GRB10: variants seen among roughly 807,000 people sequenced by gnomAD.
The protein encoded by GRB10 is growth factor receptor bound protein 10.
A neutral mutation model predicts 80.9 loss-of-function variants in GRB10; 20 were observed. That is an observed-to-expected ratio of 0.25 (90% CI 0.17 to 0.36). The LOEUF (loss-of-function observed/expected upper bound fraction) is 0.36. GRB10 is among the 10% of genes least tolerant of loss of function. The probability of loss-of-function intolerance (pLI) is 1.00; values close to 1 mark genes in which losing one functional copy is unlikely to be tolerated. For synonymous variants in GRB10, 291 were observed against 291.5 expected, an observed-to-expected ratio of 1.00 and a Z score of 0.02; for missense variants, 548 against 747.7, an observed-to-expected ratio of 0.73 and a Z score of 3.12.
chr7:50,616,250 C>T lies in GRB10; in HGVS notation c.944G>A (p.Arg315Gln), dbSNP rs1254805677. The T allele has an allele frequency of 9.3e-6, 15 of 1,614,162 alleles. No individual in the cohort carries two copies. Among genetic ancestry groups the T allele is most frequent in the Non-Finnish European group, 1.2e-5 (14 of 1,180,014 alleles). ...GGTGGAGCAATAAAGGCCAGATCTC[C>T]GCAAACACACATACAGCTTTTTCCA... ...KSWKKLYVCL[R>Q]RSGLYCSTKG... Residue 315 changes from arginine (R) to glutamine (Q), a missense_variant, in exon 11 of 19, where the codon CGG becomes CAG. By Grantham distance (43) the Arg-to-Gln change is conservative. Coordinates refer to ENST00000401949, the MANE Select transcript of GRB10 (RefSeq NM_001350814.2).
intron 6 of GRB10, among the ~76,000 whole-genome samples, chr7:50,673,151 G>T (rs560586029): frequency 7.4e-4 from 112 of 152,298 alleles, no homozygotes; most frequent in African/African-American, 2.6e-3. Context: ...CCCAGGAAAT[G>T]AACAGAGCTC....
rs2045797027 is a variant in GRB10, at chr7:50,591,090, G to T, written c.*1862C>A. The T allele has an allele frequency of 6.6e-6, 1 of 152,174 alleles. No individual in the cohort carries two copies. Among genetic ancestry groups the T allele is most frequent in the South Asian group, 2.1e-4 (1 of 4,834 alleles). 9.4% of individuals were successfully genotyped at this position (152,174 alleles called of 1,614,324 possible). A position where few individuals can be genotyped will look rare whatever the true frequency, so the allele number is the denominator to read the frequency against. ...CTGCAATGTCCGTCCCTACAGTGAA[G>T]CCTGCCACCAGGTGTGAACGTGAGA... On this transcript the variant is annotated 3_prime_UTR_variant, in exon 19 of 19. Coordinates refer to ENST00000401949, the MANE Select transcript of GRB10 (RefSeq NM_001350814.2).
chr7:50,699,672 TTTAC>T (rs2063887955), intron 5 of GRB10, among the ~76,000 whole-genome samples: 1 of 152,226 alleles, frequency 6.6e-6, no homozygotes, highest in South Asian at 2.1e-4. Flanking sequence ...TCATTAGTGT[TTTAC>T]TTAGACCTTT....
intron 4 of GRB10, among the ~76,000 whole-genome samples, chr7:50,711,930 G>A (rs1217791851): frequency 6.6e-6 from 1 of 152,094 alleles, no homozygotes; most frequent in African/African-American, 2.4e-5. Flanking sequence ...GGAAAAAGGA[G>A]GACAGCAGCT....
chr7:50,600,075 C>T (rs531913542), intron 17 of GRB10, among the ~76,000 whole-genome samples: 4 of 152,268 alleles, frequency 2.6e-5, no homozygotes, highest in South Asian at 4.1e-4. Flanking sequence ...AGCAGAGTGA[C>T]GCTACCCCGA....
At chr7:50,711,697 C>G (rs2065924742) in intron 4 of GRB10, among the ~76,000 whole-genome samples, 1 of 152,188 alleles carries the variant, frequency 6.6e-6, no homozygotes, top group South Asian at 2.1e-4. Flanking sequence ...CTCTAGAACT[C>G]TGAACACACA....
At chr7:50,610,933 C>A (rs1196180766) in intron 13 of GRB10, among the ~76,000 whole-genome samples, 1 of 152,126 alleles carries the variant, frequency 6.6e-6, no homozygotes, top group Non-Finnish European at 1.5e-5. Flanking sequence ...TTATATATTA[C>A]CCAAAGTAAT....
At chr7:50,749,440 T>C (rs2073743450) in intron 3 of GRB10, among the ~76,000 whole-genome samples, 2 of 152,158 alleles carry the variant, frequency 1.3e-5, no homozygotes, top group Non-Finnish European at 2.9e-5. Context: ...AAATTTGTAT[T>C]GTTATAAAAT....
intron 10 of GRB10, among the ~76,000 whole-genome samples, chr7:50,616,750 G>T (rs1472086359): frequency 1.3e-5 from 2 of 152,226 alleles, no homozygotes; most frequent in African/African-American, 4.8e-5. Flanking sequence ...TCACATAAAA[G>T]GTGTCATGTG....
intron 2 of GRB10, among the ~76,000 whole-genome samples, chr7:50,760,680 TC>T (rs879810726): frequency 3.9e-5 from 6 of 152,218 alleles, no homozygotes; most frequent in Non-Finnish European, 7.3e-5. Context: ...ATGCTACTGT[TC>T]ATCCAGAAGA....
At chr7:50,735,127 A>T (rs139669991) in intron 3 of GRB10, among the ~76,000 whole-genome samples, 42 of 152,386 alleles carry the variant, frequency 2.8e-4, no homozygotes, top group African/African-American at 8.9e-4. Flanking sequence ...TACAGGATAC[A>T]AAGTGAACAC....
At chr7:50,732,238 C>CG in intron 4 of GRB10, 34 bp downstream of exon 4, 3 of 1,608,344 alleles carry the variant, frequency 1.9e-6, no homozygotes, top group Non-Finnish European at 2.6e-6. Context: ...CCAGCACCAT[C>CG]GGGCCAGGAT....
At chr7:50,669,933 G>A (rs1197959787) in intron 6 of GRB10, 70 bp from the exon 7 acceptor site, 3 of 1,525,388 alleles carry the variant, frequency 2.0e-6, no homozygotes, top group African/African-American at 1.4e-5. Flanking sequence ...CCACTGTGGT[G>A]ATACACCCAG....
chr7:50,657,498 G>A (rs780395779), intron 7 of GRB10, among the ~76,000 whole-genome samples: 32 of 152,180 alleles, frequency 2.1e-4, no homozygotes, highest in Non-Finnish European at 4.0e-4. Context: ...AATGTGCGCC[G>A]GTACATGGTG....
chr7:50,656,351 C>G (rs2058646217), intron 7 of GRB10, among the ~76,000 whole-genome samples: 1 of 152,174 alleles, frequency 6.6e-6, no homozygotes, highest in South Asian at 2.1e-4. Context: ...GTGAGCTGTG[C>G]TGCACAGCTG....
At chr7:50,648,554 G>T (rs1254190445) in intron 7 of GRB10, among the ~76,000 whole-genome samples, 3 of 152,148 alleles carry the variant, frequency 2.0e-5, no homozygotes, top group Non-Finnish European at 2.9e-5. Context: ...CCTCAGTTTT[G>T]CCTTTGGGAA....
chr7:50,712,082 G>A (rs1393985177), intron 4 of GRB10, among the ~76,000 whole-genome samples: 1 of 151,830 alleles, frequency 6.6e-6, no homozygotes. Context: ...AACTCCACAA[G>A]GCTGAAAAAG....
chr7:50,684,390 G>A (rs2061885280), intron 5 of GRB10, among the ~76,000 whole-genome samples: 1 of 149,154 alleles, frequency 6.7e-6, no homozygotes, highest in Non-Finnish European at 1.5e-5. Context: ...AAAAAAATAA[G>A]GAAAGCAATT....
At chr7:50,746,455 C>A (rs2072925118) in intron 3 of GRB10, among the ~76,000 whole-genome samples, 1 of 152,078 alleles carries the variant, frequency 6.6e-6, no homozygotes, top group Admixed American at 6.6e-5. Context: ...GATTTATTTT[C>A]TTTTATACCT....
Sources: allele counts gnomAD v4.1 joint callset (sites outside exome capture counted in the v4.1 genomes callset), GRCh38; gene constraint gnomAD v4.1.1; transcripts MANE v1.5; gene names NCBI Gene and HGNC (gene_info 2026-07-23, HGNC 2026-07-21).